The following SEMA5A variants were observed in gnomAD, a reference collection of about 807,000 sequenced individuals.
SEMA5A encodes the protein semaphorin-5A.
SEMA5A carries 55 observed loss-of-function variants against 135.5 expected under a neutral mutation model. The observed-to-expected ratio is 0.41, with a 90% CI of 0.33 to 0.51. The LOEUF is 0.51. SEMA5A is among the 20% of genes least tolerant of loss of function. The pLI is 0.37. For synonymous variants in SEMA5A, 580 were observed against 546.5 expected, an observed-to-expected ratio of 1.06 and a Z score of -0.85; for missense variants, 1,290 against 1,419.9, an observed-to-expected ratio of 0.91 and a Z score of 1.47.
In SEMA5A at chr5:9,383,906, A is replaced by T. The variant is rs542823680; in HGVS notation, c.-77-3883T>A. ...CTCTTTCCTTGGGATTTGGAAAGCG[A>T]CAATTAGAGAAGAGGGGAAATGACA... On this transcript the variant is annotated intron_variant, in intron 2 of 22. Coordinates refer to ENST00000382496, the MANE Select transcript of SEMA5A (RefSeq NM_003966.3). 2.5e-3 allele frequency among the ~76,000 whole-genome samples: 375 copies of T among 152,290 alleles called. 3 individuals carry two copies. Among genetic ancestry groups the T allele is most frequent in the African/African-American group, 8.5e-3 (353 of 41,548 alleles).
intron 2 of SEMA5A, among the ~76,000 whole-genome samples, chr5:9,401,438 A>G (rs1756658155): frequency 6.6e-6 from 1 of 152,158 alleles, no homozygotes; most frequent in South Asian, 2.1e-4. Flanking sequence ...CCCAAAGGCC[A>G]TATGTGCCAC....
rs1231689341 is a variant in SEMA5A, at chr5:9,265,890, T to C, written c.271-28000A>G. Among the ~76,000 whole-genome samples the C allele has an allele frequency of 4.6e-5, 7 of 152,272 alleles. 1 individual carries two copies. In the South Asian group the frequency reaches 1.0e-3, roughly 23 times the overall value. ...GTTTTCATGTTCAGGGCCTGGCATC[T>C]GAAAAATGCTAGGCGGAGAAGGGCA... is the stretch of plus-strand genomic sequence containing the variant. On this transcript the variant is annotated intron_variant, in intron 5 of 22. Transcript: ENST00000382496.
chr5:9,483,329 G>C (rs1554040750), intron 1 of SEMA5A, among the ~76,000 whole-genome samples: 1 of 151,962 alleles, frequency 6.6e-6, no homozygotes, highest in Non-Finnish European at 1.5e-5. Flanking sequence ...TCTCAGTAAG[G>C]GAAAGATTTC....
rs1005358961 is a variant in SEMA5A at position 9,472,965 on chromosome 5, A to T, written c.-174-35113T>A. 3.3e-5 allele frequency among the ~76,000 whole-genome samples: 5 copies of T among 150,660 alleles called. No individual in the cohort carries two copies. In the South Asian group the frequency reaches 1.0e-3, roughly 31 times the overall value. On this transcript the variant is annotated intron_variant, in intron 1 of 22. Transcript: ENST00000382496. ...TTAAAAGCAGAATTTTAACAACTGC[A>T]TAATATTCATGTCATGTACGTAGCA...
intron 5 of SEMA5A, among the ~76,000 whole-genome samples, chr5:9,282,785 T>A (rs906137979): frequency 7.9e-5 from 12 of 152,098 alleles, no homozygotes; most frequent in African/African-American, 2.4e-4. Flanking sequence ...CAATCCTAAA[T>A]TCCTAGTGGT....
At chr5:9,332,405 A>G (rs1451452931) in intron 4 of SEMA5A, among the ~76,000 whole-genome samples, 1 of 151,424 alleles carries the variant, frequency 6.6e-6, no homozygotes, top group Non-Finnish European at 1.5e-5. Flanking sequence ...ACATTAGGTC[A>G]GGTATGTGAG....
chr5:9,132,932 A>G (rs1451283973), intron 13 of SEMA5A, among the ~76,000 whole-genome samples: 1 of 152,242 alleles, frequency 6.6e-6, no homozygotes, highest in Non-Finnish European at 1.5e-5. Context: ...TATGATCTAT[A>G]TACGTAGAAG....
intron 9 of SEMA5A, among the ~76,000 whole-genome samples, chr5:9,199,274 G>A (rs1054945681): frequency 2.6e-5 from 4 of 152,106 alleles, no homozygotes; most frequent in African/African-American, 9.7e-5. Flanking sequence ...AGTGTTGTGG[G>A]AACACTTCTT....
chr5:9,487,421 G>T (rs1734788712), intron 1 of SEMA5A, among the ~76,000 whole-genome samples: 1 of 152,164 alleles, frequency 6.6e-6, no homozygotes, highest in South Asian at 2.1e-4. Context: ...GTTTGAGCAG[G>T]ACACCAACCA....
intron 6 of SEMA5A, among the ~76,000 whole-genome samples, chr5:9,229,871 G>C (rs1468163438): frequency 6.6e-6 from 1 of 152,178 alleles, no homozygotes; most frequent in African/African-American, 2.4e-5. Flanking sequence ...GAGAAAGCAA[G>C]GGCCTCCAGT....
chr5:9,197,566 A>G (rs1806115), intron 9 of SEMA5A, among the ~76,000 whole-genome samples: 1,640 of 152,292 alleles, frequency 0.011, 33 homozygotes, highest in African/African-American at 0.037. Flanking sequence ...CAGTTGCAAC[A>G]GGGGCAAGAG....
At position 9,318,268 on chromosome 5, in the gene SEMA5A, C is replaced by T. The variant is rs546745104; in HGVS notation, c.270+104G>A. ...GACCTGCTGAGGAAACGAGCCCCTG[C>T]TCAGGCTGGATTAACACCTTTACAT... On this transcript the variant is annotated intron_variant, in intron 5 of 22. Transcript: ENST00000382496. 2.7e-6 allele frequency: 3 copies of T among 1,129,032 alleles called. No homozygotes were observed. In the African/African-American group the frequency reaches 4.7e-5, roughly 18 times the overall value. The allele number at this position is 1,129,032 out of a possible 1,614,324, so 69.9% of individuals were successfully genotyped here.
At chr5:9,171,617 T>C (rs572336452) in intron 11 of SEMA5A, among the ~76,000 whole-genome samples, 2 of 152,326 alleles carry the variant, frequency 1.3e-5, no homozygotes, top group Admixed American at 6.5e-5. Context: ...ATTTATGATC[T>C]ATGAGGAATC....
intron 3 of SEMA5A, among the ~76,000 whole-genome samples, chr5:9,373,568 G>T (rs1755231308): frequency 6.6e-6 from 1 of 152,104 alleles, no homozygotes; most frequent in Non-Finnish European, 1.5e-5. Flanking sequence ...CAATTCTCAG[G>T]CCAATCAATA....
intron 16 of SEMA5A, among the ~76,000 whole-genome samples, chr5:9,103,034 T>C (rs1739713922): frequency 6.6e-6 from 1 of 152,144 alleles, no homozygotes; most frequent in African/African-American, 2.4e-5. Context: ...CTTTCATGGG[T>C]ATGAGATATT....
chr5:9,235,963 A>C (rs1747885844), intron 6 of SEMA5A, among the ~76,000 whole-genome samples: 1 of 152,148 alleles, frequency 6.6e-6, no homozygotes, highest in African/African-American at 2.4e-5. Flanking sequence ...GCAGCAAATG[A>C]AGGGGAAGCA....
intron 1 of SEMA5A, among the ~76,000 whole-genome samples, chr5:9,505,145 A>AC (rs1735806017): frequency 6.6e-6 from 1 of 152,178 alleles, no homozygotes; most frequent in Admixed American, 6.5e-5. Flanking sequence ...TAAAACAAAA[A>AC]AAAAAAATCT....
At chr5:9,337,272 C>A (rs1225064967) in intron 4 of SEMA5A, among the ~76,000 whole-genome samples, 2 of 152,160 alleles carry the variant, frequency 1.3e-5, no homozygotes, top group Non-Finnish European at 2.9e-5. Context: ...TCTCTAGAAT[C>A]CTACTGAAGA....
rs144597943 is a variant in SEMA5A at position 9,108,183 on chromosome 5, C to T, written c.2030G>A (p.Arg677His). 2.5e-5 allele frequency: 41 copies of T among 1,614,102 alleles called. No individual in the cohort carries two copies. In the Middle Eastern group the frequency reaches 4.9e-4, roughly 19 times the overall value. Residue 677 changes from arginine to histidine, a missense_variant, in exon 16 of 23, where the codon CGC (arginine) becomes CAC (histidine). Physicochemically the swap from Arg to His is conservative, Grantham distance 29. Transcript: ENST00000382496. Reference sequence around the variant, plus strand: ...GTCAGGCCCATTCTCACAGATCCTGCGGCGAGCTTGAATGCCACCCCCGCA... The same window carrying T: ...GTCAGGCCCATTCTCACAGATCCTGTGGCGAGCTTGAATGCCACCCCCGCA... ...AQCGGGIQAR[R>H]RICENGPDCA... is the part of the protein sequence containing the mutation.
Sources: allele counts gnomAD v4.1 joint callset (sites outside exome capture counted in the v4.1 genomes callset), GRCh38; gene constraint gnomAD v4.1.1; transcripts MANE v1.5; gene names NCBI Gene and HGNC (gene_info 2026-07-23, HGNC 2026-07-21).